CACNA1E: variants seen among roughly 807,000 people sequenced by gnomAD.
The protein encoded by CACNA1E is calcium voltage-gated channel subunit alpha1 E.
A neutral mutation model predicts 259.2 loss-of-function variants in CACNA1E; 40 were observed. The observed-to-expected ratio is 0.15, with a 90% confidence interval of 0.12 to 0.20. The LOEUF (loss-of-function observed/expected upper bound fraction) is 0.20. CACNA1E is among the 10% of genes least tolerant of loss of function. The pLI, the probability that CACNA1E is intolerant of heterozygous loss-of-function variation, is 1.00. For missense variants in CACNA1E, 1,874 were observed against 3,040.1 expected (o/e 0.62, Z 9.02); for synonymous variants, 1,104 against 1,138.5 (o/e 0.97, Z 0.61).
At chr1:181,418,088 C>T (rs569138245) in intron 2 of CACNA1E, among the ~76,000 whole-genome samples, 20 of 152,328 alleles carry the variant, frequency 1.3e-4, no homozygotes, top group African/African-American at 4.1e-4. Flanking sequence ...GGTGTTCCTT[C>T]GTGTCCATCT....
At chr1:181,576,665 A>C (rs977289241) in intron 3 of CACNA1E, among the ~76,000 whole-genome samples, 1 of 152,184 alleles carries the variant, frequency 6.6e-6, no homozygotes, top group African/African-American at 2.4e-5. Context: ...TCATTTCCTG[A>C]TGGTTCTGAG....
intron 3 of CACNA1E, among the ~76,000 whole-genome samples, chr1:181,524,797 G>C (rs1321965015): frequency 2.0e-5 from 3 of 152,232 alleles, no homozygotes; most frequent in Non-Finnish European, 4.4e-5. Flanking sequence ...CTAGTTGCAG[G>C]TGAGACTGGG....
intron 43 of CACNA1E, among the ~76,000 whole-genome samples, chr1:181,789,966 G>A (rs897533582): frequency 1.3e-5 from 2 of 152,154 alleles, no homozygotes; most frequent in African/African-American, 4.8e-5. Context: ...TCAATAAATG[G>A]CAATGGAATT....
chr1:181,568,183 T>A (rs1047212102), intron 3 of CACNA1E, among the ~76,000 whole-genome samples: 2 of 152,166 alleles, frequency 1.3e-5, no homozygotes, highest in African/African-American at 4.8e-5. Context: ...GGACAGTGGA[T>A]GATTTGCTTA....
intron 40 of CACNA1E, 94 bp from the exon 41 acceptor site, chr1:181,784,567 G>A: frequency 1.4e-6 from 1 of 739,336 alleles, no homozygotes; most frequent in Non-Finnish European, 2.3e-6. Flanking sequence ...AAAATATGAG[G>A]TGCCCTGCTG....
chr1:181,347,399 C>T (rs1304611113), intron 1 of CACNA1E, among the ~76,000 whole-genome samples: 1 of 152,116 alleles, frequency 6.6e-6, no homozygotes, highest in African/African-American at 2.4e-5. Flanking sequence ...TTCTTTTTTC[C>T]TCCCATCCCC....
chr1:181,411,172 T>C (rs1456659240), intron 1 of CACNA1E, among the ~76,000 whole-genome samples: 1 of 152,132 alleles, frequency 6.6e-6, no homozygotes, highest in Non-Finnish European at 1.5e-5. Context: ...GTTCAGGCCC[T>C]CTCAAGCCAC....
chr1:181,704,133 TAA>T (rs950181468), intron 7 of CACNA1E, among the ~76,000 whole-genome samples: 17 of 152,160 alleles, frequency 1.1e-4, no homozygotes, highest in Non-Finnish European at 2.5e-4. Context: ...ATTGACAACC[TAA>T]GTCTCCTTAA....
rs1655346545 is a variant in CACNA1E, at chr1:181,379,913, T to A, written c.-14-33220T>A. Among the ~76,000 whole-genome samples, 6 of 150,738 alleles carry A rather than the reference T, an allele frequency of 4.0e-5. No individual in the cohort carries two copies. The South Asian group carries it at 1.3e-3, about 32-fold the overall frequency. The stretch of plus-strand genomic sequence containing the variant: ...AGATTTCTTTTGGAAACAATGCAAA[T>A]GGGAAGTCAGTGGCAACATCTTTAA... On this transcript the variant is annotated intron_variant, in intron 1 of 11. Transcript: ENST00000524607.
chr1:181,507,455 A>G (rs1665803253), intron 1 of CACNA1E, among the ~76,000 whole-genome samples: 1 of 152,230 alleles, frequency 6.6e-6, no homozygotes. Context: ...ACTTGGGTTA[A>G]CTGGCTAGGA....
chr1:181,581,475 G>C (rs1475906276), intron 6 of CACNA1E, among the ~76,000 whole-genome samples: 3 of 152,282 alleles, frequency 2.0e-5, no homozygotes, highest in East Asian at 3.9e-4. Flanking sequence ...TGTATAGCTA[G>C]TGAGCTGTGC....
In CACNA1E at chr1:181,732,975, G is replaced by A; in HGVS notation, c.2889G>A (p.Arg963=). The A allele has an allele frequency of 6.2e-7, 1 of 1,613,658 alleles. No homozygotes were observed. Among genetic ancestry groups the A allele is most frequent in the Non-Finnish European group, 8.5e-7 (1 of 1,179,764 alleles). Residue 963 remains arginine (R), a synonymous_variant, in exon 20 of 48, where the codon AGG becomes AGA. Transcript: ENST00000367573. The surrounding 1 kb of genome is among the most constrained non-coding windows in gnomAD (Gnocchi z 5.5). The stretch of plus-strand genomic sequence containing the variant: ...AAGGGGAGAAGGACCATGAGCTCAG[G>A]GGCAACCATGGTGCCAAGGAGCCAA... ...PTEGEKDHEL[R]GNHGAKEPTI...
Position 181,781,534 on chromosome 1 carries a change from C to T in CACNA1E, c.5364+11C>T. 7.3e-7 allele frequency: 1 copy of T among 1,369,868 alleles called. No homozygotes were observed. The highest frequency in any genetic ancestry group is 1.0e-6 in the Non-Finnish European group (1 of 970,740). 84.9% of individuals were successfully genotyped at this position (1,369,868 alleles called of 1,614,324 possible). ...AAAGTGGCATATAAGGTAGACCACCCCTTCCTTTGCTCTGGGCTACAGACC... is the reference window on the plus strand; with the variant it reads ...AAAGTGGCATATAAGGTAGACCACCTCTTCCTTTGCTCTGGGCTACAGACC... On this transcript the variant is annotated intron_variant, in intron 39 of 47. Transcript: ENST00000367573.
At chr1:181,579,031 G>T in intron 4 of CACNA1E, 41 bp from the exon 5 acceptor site, 1 of 1,553,626 alleles carries the variant, frequency 6.4e-7, no homozygotes, top group Non-Finnish European at 8.7e-7. Flanking sequence ...AGATGGTGCT[G>T]AGGGACAGCT....
chr1:181,763,620 C>T (rs1403471922), intron 34 of CACNA1E, 89 bp downstream of exon 34: 1 of 1,042,594 alleles, frequency 9.6e-7, no homozygotes, highest in Non-Finnish European at 1.3e-6. Context: ...AGTCCCTTCA[C>T]CTCTGGGAAG....
At chr1:181,667,337 C>A (rs1342311988) in intron 7 of CACNA1E, among the ~76,000 whole-genome samples, 1 of 152,106 alleles carries the variant, frequency 6.6e-6, no homozygotes, top group Non-Finnish European at 1.5e-5. Flanking sequence ...TAGGGAAGAT[C>A]ACCTAGTATA....
intron 6 of CACNA1E, among the ~76,000 whole-genome samples, chr1:181,596,402 G>A (rs930480580): frequency 2.0e-5 from 3 of 152,184 alleles, no homozygotes; most frequent in African/African-American, 4.8e-5. Flanking sequence ...TGCTTGTCAC[G>A]GTCACGTGCC....
intron 42 of CACNA1E, 147 bp from the exon 43 acceptor site, chr1:181,785,566 G>T: frequency 1.2e-6 from 1 of 863,930 alleles, no homozygotes; most frequent in South Asian, 1.4e-5. Flanking sequence ...TAGTGACGTG[G>T]AATTAGAAAC....
intron 12 of CACNA1E, 55 bp from the exon 13 acceptor site, chr1:181,719,696 G>A (rs1476108767): frequency 2.8e-5 from 26 of 920,160 alleles, no homozygotes; most frequent in Non-Finnish European, 4.1e-5. Flanking sequence ...GCGCTAGAAT[G>A]CCCCCTCTTC....
Sources: gnomAD v4.1 joint callset for allele counts (sites outside exome capture counted in the v4.1 genomes callset) on GRCh38, gnomAD v4.1.1 for gene constraint, Gnocchi (gnomAD v3.1) non-coding constraint, MANE v1.5 for transcripts, NCBI Gene and HGNC (gene_info 2026-07-23, HGNC 2026-07-21) for gene names.